AGBL1: variants seen among roughly 807,000 people sequenced by gnomAD.
The protein encoded by AGBL1 is cytosolic carboxypeptidase 4.
AGBL1 carries 130 observed loss-of-function variants against 118.9 expected under a neutral mutation model. That is an observed-to-expected ratio of 1.09 (90% confidence interval 0.95 to 1.26). The LOEUF (loss-of-function observed/expected upper bound fraction) is 1.26, where lower values mean the gene tolerates loss of function less well. Ranked by LOEUF, AGBL1 falls within the 50% of genes most tolerant of loss-of-function variation. The pLI is 0.00. For synonymous variants in AGBL1, 555 were observed against 478.9 expected, an observed-to-expected ratio of 1.16 and a Z score of -2.08; for missense variants, 1,584 against 1,298.1, an observed-to-expected ratio of 1.22 and a Z score of -3.38.
chr15:86,740,964 T>C (rs2077669389), intron 22 of AGBL1, among the ~76,000 whole-genome samples: 1 of 152,094 alleles, frequency 6.6e-6, no homozygotes, highest in Non-Finnish European at 1.5e-5. Flanking sequence ...CAAGTATACC[T>C]GCTCAACCTC....
intron 18 of AGBL1, among the ~76,000 whole-genome samples, chr15:86,459,170 C>G (rs1440626963): frequency 6.6e-6 from 1 of 152,132 alleles, no homozygotes; most frequent in Non-Finnish European, 1.5e-5. Context: ...TAATAGGCTC[C>G]CTTGAATAGT....
intron 20 of AGBL1, among the ~76,000 whole-genome samples, chr15:86,550,656 A>G (rs548499434): frequency 1.1e-4 from 17 of 152,110 alleles, no homozygotes; most frequent in Admixed American, 1.0e-3. Flanking sequence ...AAATTTAATA[A>G]TAATAGCTGA....
chr15:87,029,011 C>A (rs2081761862), exon 25 of AGBL1: 1 of 623,126 alleles, frequency 1.6e-6, no homozygotes, highest in Non-Finnish European at 2.7e-6. Flanking sequence ...CATAAGAAAA[C>A]ATAAGGACAG....
intron 5 of AGBL1, among the ~76,000 whole-genome samples, chr15:86,209,994 T>C (rs549695423): frequency 6.6e-6 from 1 of 152,326 alleles, no homozygotes; most frequent in South Asian, 2.1e-4. Flanking sequence ...TCAGGAGCTC[T>C]TGTAAGGCAG....
In AGBL1 at chr15:86,686,507, G is replaced by A. The variant is rs554128018; in HGVS notation, c.3158+12071G>A. 1.5e-4 allele frequency among the ~76,000 whole-genome samples: 21 copies of A among 139,774 alleles called. 1 individual carries two copies. The highest frequency in any genetic ancestry group is 6.5e-4 in the Admixed American group (8 of 12,272). 91.7% of individuals were successfully genotyped at this position (139,774 alleles called of 152,430 possible). A position where few individuals can be genotyped will look rare whatever the true frequency, so the allele number is the denominator to read the frequency against. On this transcript the variant is annotated intron_variant, in intron 22 of 22. Transcript: ENST00000614907. ...CACTGGAGTGCAATGGCATGATCTC[G>A]GCTCACTGCAACCTCTGCCTCCTGG...
At chr15:86,172,356 T>C (rs2077427609) in intron 5 of AGBL1, among the ~76,000 whole-genome samples, 1 of 152,216 alleles carries the variant, frequency 6.6e-6, no homozygotes, top group African/African-American at 2.4e-5. Flanking sequence ...AGTTATCATT[T>C]CTTTGTGTTG....
chr15:86,974,449 ATATATTG>A (rs2081149272), intron 23 of AGBL1, among the ~76,000 whole-genome samples: 2 of 128,780 alleles, frequency 1.6e-5, no homozygotes, highest in Non-Finnish European at 3.2e-5. Flanking sequence ...AACATATTTT[ATATATTG>A]AATATAAACA....
At chr15:86,620,390 C>T (rs1411504292) in intron 21 of AGBL1, among the ~76,000 whole-genome samples, 2 of 152,194 alleles carry the variant, frequency 1.3e-5, no homozygotes, top group African/African-American at 4.8e-5. Context: ...TTCACGCTGT[C>T]AGGAGGTTGC....
At chr15:86,994,065 C>T (rs2081356684) in intron 24 of AGBL1, among the ~76,000 whole-genome samples, 1 of 152,088 alleles carries the variant, frequency 6.6e-6, no homozygotes, top group Non-Finnish European at 1.5e-5. Context: ...TTCTGTGACG[C>T]AGGTTCTGAA....
chr15:86,125,473 T>A (rs899098641), intron 1 of AGBL1, among the ~76,000 whole-genome samples: 1 of 152,234 alleles, frequency 6.6e-6, no homozygotes, highest in Non-Finnish European at 1.5e-5. Context: ...CGTTGAGAAC[T>A]CCCATTCTGC....
chr15:86,350,655 G>A (rs2080611453), intron 17 of AGBL1, among the ~76,000 whole-genome samples: 1 of 152,190 alleles, frequency 6.6e-6, no homozygotes, highest in Non-Finnish European at 1.5e-5. Context: ...GATGGGCCAT[G>A]GTCTCAGGAG....
intron 1 of AGBL1, among the ~76,000 whole-genome samples, chr15:86,110,578 A>G (rs1897318941): frequency 6.6e-6 from 1 of 152,100 alleles, no homozygotes; most frequent in Non-Finnish European, 1.5e-5. Context: ...AAATCCATGT[A>G]TGAGTGGACC....
At chr15:86,280,830 C>T (rs953164707) in intron 16 of AGBL1, among the ~76,000 whole-genome samples, 7 of 152,196 alleles carry the variant, frequency 4.6e-5, no homozygotes, top group Non-Finnish European at 8.8e-5. Flanking sequence ...CATCTGTCCT[C>T]TTCTCCATAT....
intron 21 of AGBL1, among the ~76,000 whole-genome samples, chr15:86,655,761 A>G (rs2085453601): frequency 6.6e-6 from 1 of 152,230 alleles, no homozygotes; most frequent in Non-Finnish European, 1.5e-5. Context: ...ACACTTCAAG[A>G]AAGTGTACAA....
chr15:87,008,639 G>C (rs1186664735), intron 24 of AGBL1, among the ~76,000 whole-genome samples: 1 of 152,206 alleles, frequency 6.6e-6, no homozygotes, highest in Admixed American at 6.5e-5. Context: ...GGGCTCAGAA[G>C]AGGACAGGAA....
rs941950507 is a variant in AGBL1 at position 86,916,054 on chromosome 15, C to T, written c.*8760C>T. 6.6e-6 allele frequency: 1 copy of T among 152,348 alleles called. No homozygotes were observed. The highest frequency in any genetic ancestry group is 1.5e-5 in the Non-Finnish European group (1 of 68,038). The allele number at this position is 152,348 out of a possible 1,614,324, so 9.4% of individuals were successfully genotyped here. ...TTCCAATCACCGACTGTCCTGTCTA[C>T]ATTAGCATTCACCCCGGGTGTCTAT... On this transcript the variant is annotated 3_prime_UTR_variant, in exon 23 of 23. Transcript: ENST00000614907.
chr15:86,271,016 A>G (rs1597658813), intron 14 of AGBL1, among the ~76,000 whole-genome samples: 1 of 148,684 alleles, frequency 6.7e-6, no homozygotes, highest in East Asian at 2.0e-4. Flanking sequence ...TGCATCTTGA[A>G]ATCTCTCTCT....
intron 17 of AGBL1, among the ~76,000 whole-genome samples, chr15:86,348,395 G>C (rs961370000): frequency 2.0e-5 from 3 of 152,198 alleles, no homozygotes; most frequent in African/African-American, 7.2e-5. Flanking sequence ...GAGCTCTGCA[G>C]GGCACTGCTT....
chr15:86,420,839 C>T (rs181517162), intron 18 of AGBL1, among the ~76,000 whole-genome samples: 1 of 152,006 alleles, frequency 6.6e-6, no homozygotes, highest in African/African-American at 2.4e-5. Context: ...CCAAATCAAT[C>T]AAGTGAAAGA....
Sources: allele counts gnomAD v4.1 joint callset (sites outside exome capture counted in the v4.1 genomes callset), GRCh38; gene constraint gnomAD v4.1.1; transcripts MANE v1.5; gene names NCBI Gene and HGNC (gene_info 2026-07-23, HGNC 2026-07-21).